ACOX1: variants seen among roughly 807,000 people sequenced by gnomAD.
ACOX1 encodes acyl-CoA oxidase 1.
Under a neutral mutation model 75.5 loss-of-function variants are expected in ACOX1, and 41 were observed. The ratio of observed to expected loss-of-function variants is 0.54; its 90% CI spans 0.42 to 0.70. The LOEUF is 0.70. ACOX1 is among the 30% of genes least tolerant of loss of function. The probability of loss-of-function intolerance (pLI) is 0.00; values close to 1 mark genes in which losing one functional copy is unlikely to be tolerated. For missense variants in ACOX1, 630 were observed against 837.5 expected, an observed-to-expected ratio of 0.75 and a Z score of 3.06; for synonymous variants, 303 against 298.8, an observed-to-expected ratio of 1.01 and a Z score of -0.15.
chr17:75,952,651 G>A (rs915624577), intron 7 of ACOX1, among the ~76,000 whole-genome samples: 5 of 151,510 alleles, frequency 3.3e-5, no homozygotes, highest in African/African-American at 9.7e-5. Flanking sequence ...CCAACATGGC[G>A]AAATTCCGTC....
chr17:75,960,438 A>G lies in ACOX1; in HGVS notation c.270-63T>C. On this transcript the variant is annotated intron_variant, in intron 2 of 13. Coordinates refer to ENST00000293217, the MANE Select transcript of ACOX1 (RefSeq NM_004035.7). This position sits in a 1 kb window ranked among gnomAD's most constrained non-coding sequence, Gnocchi z 4.4. ...AGTCATCAGGTGTGAGAGAATCAGC[A>G]ATTTAAATAGAGCAAGGGAAGGAGA... 1 of 1,558,672 alleles carries G rather than the reference A, an allele frequency of 6.4e-7. No individual in the cohort carries two copies. Among genetic ancestry groups the G allele is most frequent in the East Asian group, 2.3e-5 (1 of 44,372 alleles).
chr17:75,958,680 T>A (rs371436597), intron 3 of ACOX1, among the ~76,000 whole-genome samples: 15 of 150,920 alleles, frequency 9.9e-5, no homozygotes, highest in Admixed American at 4.0e-4. Context: ...TGGTGGTGGG[T>A]GCCTGTAGTC....
At position 75,979,088 on chromosome 17, in the gene ACOX1, G is replaced by A. The variant is rs777819010; in HGVS notation, c.-15C>T. 1.2e-5 allele frequency: 19 copies of A among 1,610,146 alleles called. No individual in the cohort carries two copies. The East Asian group carries it at 4.0e-4, about 34-fold the overall frequency. The stretch of plus-strand genomic sequence containing the variant: ...TCCGGGTTCATGGCGACGACCAGCT[G>A]GCAGCGAAGTAAGCACCGACCGAGG... On this transcript the variant is annotated 5_prime_UTR_variant, in exon 1 of 14. Transcript: ENST00000293217.
rs1376843331 is a variant in ACOX1 at position 75,956,959 on chromosome 17, CTCTCTCTCTCTCTATATATATATA to C, written c.538+476_538+499del. ...TCTCTCTCTCTCTCTCTCTCTCTCT[CTCTCTCTCTCTCTATATATATATA>C]TATATATATATATATATATATATAT... On this transcript the variant is annotated intron_variant, in intron 4 of 13. Transcript: ENST00000293217. Among the ~76,000 whole-genome samples the C allele has an allele frequency of 5.9e-3, 148 of 25,172 alleles. 1 individual carries two copies. Among genetic ancestry groups the C allele is most frequent in the Admixed American group, 7.6e-3 (14 of 1,850 alleles). The allele number at this position is 25,172 out of a possible 152,430, so 16.5% of individuals were successfully genotyped here. A position where few individuals can be genotyped will look rare whatever the true frequency, so the allele number is the denominator to read the frequency against.
chr17:75,974,472 T>C (rs2066025615), intron 2 of ACOX1, among the ~76,000 whole-genome samples: 1 of 152,224 alleles, frequency 6.6e-6, no homozygotes, highest in Admixed American at 6.5e-5. Context: ...CAAAACAGAA[T>C]CCACAGTAGT....
rs2065766501 is a variant in ACOX1, at chr17:75,950,699, T to C, written c.1298+75A>G. On this transcript the variant is annotated intron_variant, in intron 9 of 13. Transcript: ENST00000293217. This position sits in a 1 kb window ranked among gnomAD's most constrained non-coding sequence, Gnocchi z 4.3. ...ATATATATACGGTGAAGAAAAACCA[T>C]GGGAACAAGAACCTAGGAAAAGGAC... 2 of 1,507,626 alleles carry C rather than the reference T, an allele frequency of 1.3e-6. No homozygotes were observed. Among genetic ancestry groups the C allele is most frequent in the Non-Finnish European group, 1.8e-6 (2 of 1,085,886 alleles). The allele number at this position is 1,507,626 out of a possible 1,614,324, so 93.4% of individuals were successfully genotyped here. A position where few individuals can be genotyped will look rare whatever the true frequency, so the allele number is the denominator to read the frequency against.
rs1422399543 is a variant in ACOX1, at chr17:75,943,552, C to T, written c.*3196G>A. ...CCCTCATGGGGTGGAAAAAAAAGAT[C>T]TAACATGTTAACTTTAGGAACTATA... On this transcript the variant is annotated 3_prime_UTR_variant, in exon 14 of 14. Coordinates refer to ENST00000293217, the MANE Select transcript of ACOX1 (RefSeq NM_004035.7). 1 of 152,070 alleles carries T rather than the reference C, an allele frequency of 6.6e-6. No individual in the cohort carries two copies. The highest frequency in any genetic ancestry group is 1.5e-5 in the Non-Finnish European group (1 of 68,048). 9.4% of individuals were successfully genotyped at this position (152,070 alleles called of 1,614,324 possible).
chr17:75,976,991 C>CTTT (rs1019883355), intron 2 of ACOX1, among the ~76,000 whole-genome samples: 826 of 78,886 alleles, frequency 0.01, 3 homozygotes, highest in African/African-American at 0.015. Flanking sequence ...GCAAAAAAGT[C>CTTT]TTTTTTTTTT....
In ACOX1 at chr17:75,960,125, C is replaced by A; in HGVS notation, c.430+90G>T. On this transcript the variant is annotated intron_variant, in intron 3 of 13. Coordinates refer to ENST00000293217, the MANE Select transcript of ACOX1 (RefSeq NM_004035.7). The surrounding 1 kb of genome is among the most constrained non-coding windows in gnomAD (Gnocchi z 4.4). ...ATTTAAACAGACCATAGAACATCGA[C>A]ACACCATCGATGGCACATGGTGGGC... The A allele has an allele frequency of 2.6e-6, 4 of 1,515,378 alleles. No individual in the cohort carries two copies. The highest frequency in any genetic ancestry group is 3.6e-6 in the Non-Finnish European group (4 of 1,097,836). The allele number at this position is 1,515,378 out of a possible 1,614,324, so 93.9% of individuals were successfully genotyped here.
At chr17:75,956,062 T>C in intron 4 of ACOX1, 115 bp from the exon 5 acceptor site, 1 of 1,437,998 alleles carries the variant, frequency 7.0e-7, no homozygotes, top group Non-Finnish European at 9.7e-7. Context: ...CAATAGTATG[T>C]GTCCAGAAAG....
chr17:75,956,035 C>T (rs979596476), intron 4 of ACOX1, 88 bp from the exon 5 acceptor site: 28 of 1,562,662 alleles, frequency 1.8e-5, no homozygotes, highest in South Asian at 6.7e-5. Context: ...TATGTTAAAT[C>T]TAACACTAGA....
intron 2 of ACOX1, among the ~76,000 whole-genome samples, chr17:75,977,453 C>G (rs945992437): frequency 3.3e-5 from 5 of 152,074 alleles, no homozygotes; most frequent in African/African-American, 1.2e-4. Context: ...GTAATCCCAG[C>G]TACTCAGGAG....
intron 2 of ACOX1, among the ~76,000 whole-genome samples, chr17:75,961,292 C>CA (rs34895245): frequency 0.043 from 2,841 of 65,564 alleles, 97 homozygotes; most frequent in African/African-American, 0.13. Flanking sequence ...GACTCCATCT[C>CA]AAAAAAAAAA....
At chr17:75,974,787 C>T (rs1002889874) in intron 2 of ACOX1, among the ~76,000 whole-genome samples, 8 of 152,022 alleles carry the variant, frequency 5.3e-5, no homozygotes, top group South Asian at 4.2e-4. Context: ...AATCCCAGCA[C>T]GTTGGGAGGC....
Position 75,958,676 on chromosome 17 carries a change from T to G in ACOX1, c.431-1110A>C, listed in dbSNP as rs374592019. Among the ~76,000 whole-genome samples the G allele has an allele frequency of 1.6e-3, 247 of 151,190 alleles. 1 individual carries two copies. Among genetic ancestry groups the G allele is most frequent in the African/African-American group, 5.8e-3 (237 of 41,212 alleles). ...ACAAAAAATTAGCTGGGCATGGTGGTGGGTGCCTGTAGTCCCAGCTACTCG... is the reference window on the plus strand; with the variant it reads ...ACAAAAAATTAGCTGGGCATGGTGGGGGGTGCCTGTAGTCCCAGCTACTCG... On this transcript the variant is annotated intron_variant, in intron 3 of 13. Coordinates refer to ENST00000293217, the MANE Select transcript of ACOX1 (RefSeq NM_004035.7).
Position 75,948,459 on chromosome 17 carries a change from TAA to T in ACOX1, c.1729-4_1729-3del, listed in dbSNP as rs762800114. On this transcript the variant is annotated splice_region_variant and splice_polypyrimidine_tract_variant and intron_variant, in intron 12 of 13. Transcript: ENST00000293217. ...CTGAGGCTCTGTCATGATGCTCCCC[TAA>T]AAGAGACCAAAATAAGTAAATAAAA... 13 of 1,613,638 alleles carry T rather than the reference TAA, an allele frequency of 8.1e-6. No individual in the cohort carries two copies. The highest frequency in any genetic ancestry group is 4.2e-6 in the Non-Finnish European group (5 of 1,179,660).
In ACOX1 at chr17:75,960,247, A is replaced by G. The variant is rs1391009653; in HGVS notation, c.398T>C (p.Ile133Thr). Residue 133 changes from isoleucine to threonine, a missense_variant, in exon 3 of 14, where the codon ATT (isoleucine) becomes ACT (threonine). Physicochemically the swap from Ile to Thr is moderately conservative, Grantham distance 89 (BLOSUM62 -1). Around this residue, in one of 2 missense-constraint regions of ACOX1, gnomAD observed 390 missense variants for 574.9 expected, o/e 0.68. Coordinates refer to ENST00000293217, the MANE Select transcript of ACOX1 (RefSeq NM_004035.7). This position sits in a 1 kb window ranked among gnomAD's most constrained non-coding sequence, Gnocchi z 4.4. Reference protein sequence around the residue: ...FFMPAWNLEIIGTYAQTEMGH... With the variant: ...FFMPAWNLEITGTYAQTEMGH... ...CATCTCTGTCTGGGCATAAGTGCCA[A>G]TGATCTCCAAGTTCCAGGCGGGCAT... The G allele has an allele frequency of 3.7e-6, 6 of 1,614,194 alleles. No homozygotes were observed. The highest frequency in any genetic ancestry group is 5.1e-6 in the Non-Finnish European group (6 of 1,180,014).
At position 75,978,715 on chromosome 17, in the gene ACOX1, T is replaced by A. The variant is rs1046944752; in HGVS notation, c.110-22A>T. On this transcript the variant is annotated intron_variant, in intron 1 of 13. Transcript: ENST00000293217. The surrounding 1 kb of genome is among the most constrained non-coding windows in gnomAD (Gnocchi z 4.2). ...TTCTCTGAAAGGGGGTTAAAGGGCATTAAAAGGCAGACAGACACTCGGGCC... is the reference window on the plus strand; with the variant it reads ...TTCTCTGAAAGGGGGTTAAAGGGCAATAAAAGGCAGACAGACACTCGGGCC... 3 of 1,612,860 alleles carry A rather than the reference T, an allele frequency of 1.9e-6. No individual in the cohort carries two copies. Among genetic ancestry groups the A allele is most frequent in the Non-Finnish European group, 2.5e-6 (3 of 1,180,024 alleles).
chr17:75,971,368 GCCATATAGGATCTCTGT>G (rs1386264875), intron 2 of ACOX1, among the ~76,000 whole-genome samples: 1 of 151,634 alleles, frequency 6.6e-6, no homozygotes, highest in Non-Finnish European at 1.5e-5. Context: ...CTTGCCCACA[GCCATATAGGATCTCTGT>G]CCAACTTCTG....
Sources: allele counts gnomAD v4.1 joint callset (sites outside exome capture counted in the v4.1 genomes callset), GRCh38; gene constraint gnomAD v4.1.1; regional missense constraint gnomAD v4.1.1; non-coding constraint Gnocchi (gnomAD v3.1); transcripts MANE v1.5; gene names NCBI Gene and HGNC (gene_info 2026-07-23, HGNC 2026-07-21).